The following TMEM94 variants were observed in gnomAD, a reference collection of about 807,000 sequenced individuals.
The protein encoded by TMEM94 is transmembrane protein 94.
In TMEM94, 81 loss-of-function variants were observed where a neutral mutation model predicts 158.6. The ratio of observed to expected loss-of-function variants is 0.51; its 90% confidence interval spans 0.43 to 0.61. The LOEUF (loss-of-function observed/expected upper bound fraction) is 0.61, where lower values mean the gene tolerates loss of function less well. TMEM94 is among the 20% of genes least tolerant of loss of function. The pLI, the probability that TMEM94 is intolerant of heterozygous loss-of-function variation, is 0.00. For synonymous variants in TMEM94, 751 were observed against 730.7 expected, an observed-to-expected ratio of 1.03 and a Z score of -0.45; for missense variants, 1,435 against 1,762.0, an observed-to-expected ratio of 0.81 and a Z score of 3.32.
At chr17:75,477,518 G>A (rs1196582483) in intron 2 of TMEM94, among the ~76,000 whole-genome samples, 1 of 152,056 alleles carries the variant, frequency 6.6e-6, no homozygotes, top group Non-Finnish European at 1.5e-5. Flanking sequence ...CAAAGTGCTG[G>A]GGTTACAGGC....
Position 75,493,001 on chromosome 17 carries a change from A to G in TMEM94, c.1985A>G (p.Glu662Gly). ...HLALYRLPSA[E>G]TMKETSLGRL... ...GCGCTGTACCGCCTCCCCAGTGCCG[A>G]GACAATGAAGGAGACATCGCTGGGG... The change falls in exon 16 of 32, where the codon GAG becomes GGG. Residue 662 changes from glutamate to glycine, a missense_variant. Glu to Gly is a moderately conservative substitution (Grantham distance 98, BLOSUM62 -2). This residue lies in a region of TMEM94 where 1,051 missense variants were observed against 1,254.4 expected (regional missense o/e 0.84). Transcript: ENST00000314256. The G allele has an allele frequency of 6.2e-7, 1 of 1,613,838 alleles. No homozygotes were observed. The highest frequency in any genetic ancestry group is 1.1e-5 in the South Asian group (1 of 91,088).
Position 75,493,863 on chromosome 17 carries a change from C to T in TMEM94, c.2354C>T (p.Pro785Leu), listed in dbSNP as rs1489357273. ...AGCATCTTCACCATGTGCGAGCTGC[C>T]CAGCACCATCCCCATCAAGCAGAAC... ...QSSIFTMCEL[P>L]STIPIKQNAR... Residue 785 changes from proline (P) to leucine (L), a missense_variant, in exon 18 of 32, where the codon CCC (proline) becomes CTC (leucine). By Grantham distance (98) the Pro-to-Leu change is moderately conservative. Transcript: ENST00000314256. 5 of 1,612,932 alleles carry T rather than the reference C, an allele frequency of 3.1e-6. No individual in the cohort carries two copies. Among genetic ancestry groups the T allele is most frequent in the South Asian group, 1.1e-5 (1 of 91,088 alleles).
At chr17:75,468,427 C>T (rs1181178565) in intron 1 of TMEM94, among the ~76,000 whole-genome samples, 1 of 152,208 alleles carries the variant, frequency 6.6e-6, no homozygotes, top group Non-Finnish European at 1.5e-5. Context: ...TGTGTGGCAA[C>T]GATCTCATCC....
Position 75,494,731 on chromosome 17 carries a change from G to C in TMEM94, c.2512G>C (p.Val838Leu), listed in dbSNP as rs1032687118. Residue 838 changes from valine to leucine, a missense_variant, in exon 19 of 32, where the codon GTG (valine) becomes CTG (leucine). By Grantham distance (32) the Val-to-Leu change is conservative. Coordinates refer to ENST00000314256, the MANE Select transcript of TMEM94 (RefSeq NM_014738.6). ...CCAGTACCAGGCCCGGCTGGACATC[G>C]TGCGCCTCATTGATGGGCTTGTCAA... ...SSQYQARLDI[V>L]RLIDGLVNAC... The C allele has an allele frequency of 6.2e-7, 1 of 1,613,748 alleles. No individual in the cohort carries two copies. Among genetic ancestry groups the C allele is most frequent in the Non-Finnish European group, 8.5e-7 (1 of 1,180,038 alleles).
At chr17:75,464,593 TC>T (rs2050218362) in intron 1 of TMEM94, among the ~76,000 whole-genome samples, 1 of 62,452 alleles carries the variant, frequency 1.6e-5, no homozygotes, top group South Asian at 5.8e-4. Flanking sequence ...TCATTTTCTT[TC>T]TTTCTTTCTT....
chr17:75,461,427 T>C (rs915111903), intron 1 of TMEM94, among the ~76,000 whole-genome samples: 7 of 152,036 alleles, frequency 4.6e-5, no homozygotes, highest in African/African-American at 1.4e-4. Flanking sequence ...TAAAGACATA[T>C]TGGATACATT....
intron 2 of TMEM94, among the ~76,000 whole-genome samples, chr17:75,483,753 G>A (rs765270487): frequency 2.0e-5 from 3 of 151,940 alleles, no homozygotes; most frequent in African/African-American, 4.8e-5. Context: ...GCGTGAGTTC[G>A]GCCCGAGTTC....
chr17:75,495,399 G>A lies in TMEM94; in HGVS notation c.2844G>A (p.Arg948=). ...CCAGCTTCCTGGAGGACTCCAACCG[G>A]GTACGATGGCAGGATCTGTCTCACG... is the stretch of plus-strand genomic sequence containing the variant. ...DIPSFLEDSN[R]AKLPRGIHQV... Residue 948 remains arginine, a splice_region_variant and synonymous_variant, in exon 21 of 32, where the codon CGG becomes CGA. Coordinates refer to ENST00000314256, the MANE Select transcript of TMEM94 (RefSeq NM_014738.6). The surrounding 1 kb of genome is among the most constrained non-coding windows in gnomAD (Gnocchi z 5.6). The A allele has an allele frequency of 1.9e-6, 3 of 1,612,784 alleles. No homozygotes were observed. Among genetic ancestry groups the A allele is most frequent in the Non-Finnish European group, 2.5e-6 (3 of 1,179,038 alleles).
chr17:75,475,389 C>T lies in TMEM94; in HGVS notation c.24+3460C>T, dbSNP rs538772714. Among the ~76,000 whole-genome samples, 9 of 152,316 alleles carry T rather than the reference C, an allele frequency of 5.9e-5. No individual in the cohort carries two copies. In the South Asian group the frequency reaches 8.3e-4, roughly 14 times the overall value. On this transcript the variant is annotated intron_variant, in intron 2 of 31. Coordinates refer to ENST00000314256, the MANE Select transcript of TMEM94 (RefSeq NM_014738.6). ...GCTTGAGATGGTGTCGTCTAGGAAA[C>T]GGAGGGCCCTGGAGAAACATGCTCA... is the stretch of plus-strand genomic sequence containing the variant.
At chr17:75,463,461 G>C (rs988896348) in intron 1 of TMEM94, among the ~76,000 whole-genome samples, 3 of 151,828 alleles carry the variant, frequency 2.0e-5, no homozygotes, top group African/African-American at 7.3e-5. Context: ...TTTTGTTAGT[G>C]TCCTTCTTAA....
chr17:75,480,151 G>A (rs1044601566), intron 2 of TMEM94, among the ~76,000 whole-genome samples: 1 of 151,928 alleles, frequency 6.6e-6, no homozygotes, highest in African/African-American at 2.4e-5. Context: ...CCTTAATTTC[G>A]ACCCCCTGCT....
chr17:75,493,966 T>G, intron 18 of TMEM94, 50 bp downstream of exon 18: 1 of 1,559,416 alleles, frequency 6.4e-7, no homozygotes, highest in Non-Finnish European at 8.7e-7. Flanking sequence ...TCCCCTGGGC[T>G]GCCGAAGCCC....
chr17:75,488,250 C>T, intron 6 of TMEM94, 116 bp downstream of exon 6: 10 of 949,976 alleles, frequency 1.1e-5, no homozygotes, highest in Non-Finnish European at 1.5e-5. Flanking sequence ...GGCTTTTTGG[C>T]AGAGGCTCTG....
At chr17:75,499,205 C>G in intron 31 of TMEM94, 57 bp from the exon 32 acceptor site, 3 of 1,606,378 alleles carry the variant, frequency 1.9e-6, no homozygotes, top group Non-Finnish European at 1.7e-6. Context: ...GTGTCCTGCC[C>G]CGGCCCCTGG....
chr17:75,482,310 C>T (rs1203702033), intron 2 of TMEM94, among the ~76,000 whole-genome samples: 1 of 149,356 alleles, frequency 6.7e-6, no homozygotes, highest in Non-Finnish European at 1.5e-5. Context: ...TGCGCCACTG[C>T]ACTCCAGCCT....
intron 1 of TMEM94, among the ~76,000 whole-genome samples, chr17:75,458,309 G>C (rs1360963331): frequency 1.3e-5 from 2 of 152,038 alleles, no homozygotes; most frequent in Non-Finnish European, 2.9e-5. Context: ...GGCAAAAGAA[G>C]AGCTGATCTT....
In TMEM94 at chr17:75,485,914, C is replaced by T. The variant is rs1567940490; in HGVS notation, c.188C>T (p.Ser63Phe). The T allele has an allele frequency of 1.9e-6, 3 of 1,613,622 alleles. No homozygotes were observed. The highest frequency in any genetic ancestry group is 1.1e-5 in the South Asian group (1 of 91,004). ...SSFLHHSNRC[S>F]CFHWPGASLM... is the part of the protein sequence containing the mutation. Reference sequence around the variant, plus strand: ...TTCCTCCACCACAGTAACCGCTGCTCCTGCTTCCACTGGCCGGGGGCCTCA... The same window carrying T: ...TTCCTCCACCACAGTAACCGCTGCTTCTGCTTCCACTGGCCGGGGGCCTCA... The change falls in exon 4 of 32, where the codon TCC becomes TTC. Residue 63 changes from serine to phenylalanine, a missense_variant. This residue lies in a region of TMEM94 where 1,051 missense variants were observed against 1,254.4 expected (regional missense o/e 0.84). Transcript: ENST00000314256. This position sits in a 1 kb window ranked among gnomAD's most constrained non-coding sequence, Gnocchi z 5.5.
In TMEM94 at chr17:75,493,568, A is replaced by G; in HGVS notation, c.2164A>G (p.Ile722Val). The change falls in exon 17 of 32, where the codon ATC (isoleucine) becomes GTC (valine). Residue 722 changes from isoleucine to valine, a missense_variant. Physicochemically the swap from Ile to Val is conservative, Grantham distance 29. Coordinates refer to ENST00000314256, the MANE Select transcript of TMEM94 (RefSeq NM_014738.6). ...ACTDFWDGADIYPLSGSDRKK... is the reference protein window; with the variant it reads ...ACTDFWDGADVYPLSGSDRKK... ...CACAGACTTCTGGGACGGAGCTGAC[A>G]TCTACCCTCTCTCGGGATCTGACAG... is the stretch of plus-strand genomic sequence containing the variant. 1 of 1,614,030 alleles carries G rather than the reference A, an allele frequency of 6.2e-7. No individual in the cohort carries two copies.
At position 75,495,309 on chromosome 17, in the gene TMEM94, C is replaced by T; in HGVS notation, c.2754C>T (p.Leu918=). The T allele has an allele frequency of 6.2e-7, 1 of 1,612,726 alleles. No individual in the cohort carries two copies. The highest frequency in any genetic ancestry group is 8.5e-7 in the Non-Finnish European group (1 of 1,179,238). The change falls in exon 21 of 32, where the codon CTC becomes CTT. Residue 918 remains leucine, a synonymous_variant. Transcript: ENST00000314256. This position sits in a 1 kb window ranked among gnomAD's most constrained non-coding sequence, Gnocchi z 5.6. The stretch of plus-strand genomic sequence containing the variant: ...TGTCCCGAGATGATGCAGAAGGGCT[C>T]CTCCTCATGGAGGAGGAGGGCCACT... The part of the protein sequence containing the change: ...NQVSRDDAEG[L]LLMEEEGHSD...
Sources: gnomAD v4.1 joint callset for allele counts (sites outside exome capture counted in the v4.1 genomes callset) on GRCh38, gnomAD v4.1.1 for gene constraint, gnomAD v4.1.1 regional missense constraint, Gnocchi (gnomAD v3.1) non-coding constraint, MANE v1.5 for transcripts, NCBI Gene and HGNC (gene_info 2026-07-23, HGNC 2026-07-21) for gene names.